Variants in ABR observed in about 807,000 individuals in gnomAD.
ABR encodes ABR activator of RhoGEF and GTPase, also known as active breakpoint cluster region-related protein.
A neutral mutation model predicts 107.2 loss-of-function variants in ABR; 35 were observed. That is an observed-to-expected ratio of 0.33 (90% CI 0.25 to 0.43). The LOEUF is 0.43. Ranked by LOEUF, ABR falls within the 20% of genes least tolerant of loss-of-function variation. The pLI, the probability that ABR is intolerant of heterozygous loss-of-function variation, is 1.00. For synonymous variants in ABR, 498 were observed against 462.0 expected, an observed-to-expected ratio of 1.08 and a Z score of -1.00; for missense variants, 815 against 1,115.2, an observed-to-expected ratio of 0.73 and a Z score of 3.83.
chr17:1,202,746 G>A (rs976353605), intron 1 of ABR, among the ~76,000 whole-genome samples: 5 of 152,132 alleles, frequency 3.3e-5, no homozygotes, highest in South Asian at 2.1e-4. Flanking sequence ...AAACACTGCG[G>A]CTAGAAACAG....
At chr17:1,229,638 G>T (rs2043299495) in exon 1 of ABR, among the ~76,000 whole-genome samples, 2 of 152,022 alleles carry the variant, frequency 1.3e-5, no homozygotes, top group Admixed American at 1.3e-4. Flanking sequence ...CATGCCCCGA[G>T]CTCCGTCCGC....
rs374374229 is a variant in ABR at position 1,012,231 on chromosome 17, C to T, written c.1962-246G>A. On this transcript the variant is annotated intron_variant, in intron 18 of 22. Coordinates refer to ENST00000302538, the MANE Select transcript of ABR (RefSeq NM_021962.5). ...CCTTGGGAACTTGGGAAGGTAAGGCCGAGACTCTAGGGAAAGAACGTCCCC... is the reference window on the plus strand; with the variant it reads ...CCTTGGGAACTTGGGAAGGTAAGGCTGAGACTCTAGGGAAAGAACGTCCCC... 5.5e-4 allele frequency: 379 copies of T among 690,804 alleles called. 1 individual carries two copies. The highest frequency in any genetic ancestry group is 1.7e-3 in the African/African-American group (95 of 57,070). The allele number at this position is 690,804 out of a possible 1,614,324, so 42.8% of individuals were successfully genotyped here.
At chr17:1,130,069 A>G (rs902699374) in intron 1 of ABR, among the ~76,000 whole-genome samples, 11 of 152,238 alleles carry the variant, frequency 7.2e-5, no homozygotes, top group Non-Finnish European at 1.5e-4. Context: ...AACGTTAGAC[A>G]GCAGGTGAAT....
At chr17:1,223,481 C>T (rs146898142) in intron 1 of ABR, among the ~76,000 whole-genome samples, 2 of 152,104 alleles carry the variant, frequency 1.3e-5, no homozygotes, top group Non-Finnish European at 2.9e-5. Context: ...GACCTGGAAG[C>T]CAGACTGCCT....
chr17:1,031,630 C>T (rs937794203), intron 16 of ABR: 23 of 1,251,092 alleles, frequency 1.8e-5, no homozygotes, highest in Non-Finnish European at 2.3e-5. Context: ...CGCACGCGGC[C>T]CCAGAGCCGG....
chr17:1,031,700 C>T (rs1336917266), intron 16 of ABR: 13 of 1,250,350 alleles, frequency 1.0e-5, no homozygotes, highest in Non-Finnish European at 1.3e-5. Flanking sequence ...GTTCGCGCCC[C>T]GCCTTCGGGC....
chr17:1,139,464 A>G (rs760191217), intron 1 of ABR, among the ~76,000 whole-genome samples: 10 of 151,650 alleles, frequency 6.6e-5, no homozygotes, highest in South Asian at 2.1e-4. Context: ...GTGTTAGCCA[A>G]GATGGTCTCC....
chr17:1,188,269 G>C (rs2042355038), upstream of ABR, among the ~76,000 whole-genome samples: 1 of 151,942 alleles, frequency 6.6e-6, no homozygotes, highest in African/African-American at 2.4e-5. Context: ...GGTCACAATA[G>C]GCCAGCTGCA....
chr17:1,058,923 C>A, intron 10 of ABR, 56 bp from the exon 11 acceptor site: 2 of 1,604,022 alleles, frequency 1.2e-6, no homozygotes, highest in Non-Finnish European at 1.7e-6. Flanking sequence ...TTCTCACGAG[C>A]AGCACTAAGC....
intron 16 of ABR, among the ~76,000 whole-genome samples, chr17:1,015,664 G>C (rs2071093322): frequency 2.0e-5 from 3 of 151,930 alleles, no homozygotes; most frequent in Non-Finnish European, 4.4e-5. Flanking sequence ...CTCCATGTTG[G>C]TCAGGCTGAT....
In ABR at chr17:1,050,511, C is replaced by G. The variant is rs1453385961; in HGVS notation, c.1659+26G>C. On this transcript the variant is annotated intron_variant, in intron 15 of 22. Transcript: ENST00000302538. The surrounding 1 kb of genome is among the most constrained non-coding windows in gnomAD (Gnocchi z 4.6). The stretch of plus-strand genomic sequence containing the variant: ...CGAGCACGGGGTGGTGGGGTCCCCA[C>G]AGAGATGCCAGCCCCTGCCACTCAC... 1.2e-6 allele frequency: 2 copies of G among 1,605,214 alleles called. No homozygotes were observed. The highest frequency in any genetic ancestry group is 1.3e-5 in the African/African-American group (1 of 74,690).
intron 16 of ABR, among the ~76,000 whole-genome samples, chr17:1,024,891 G>A (rs1302096492): frequency 2.6e-5 from 4 of 151,916 alleles, no homozygotes; most frequent in Non-Finnish European, 4.4e-5. Context: ...AAGCTGAGGC[G>A]GGTGGATCAC....
chr17:1,055,725 C>A (rs960139468), intron 14 of ABR: 4 of 287,226 alleles, frequency 1.4e-5, no homozygotes, highest in Non-Finnish European at 2.7e-5. Flanking sequence ...GACGGGGTTT[C>A]ACCATGTTGG....
chr17:1,043,296 T>C (rs1304758914), intron 16 of ABR, among the ~76,000 whole-genome samples: 1 of 152,156 alleles, frequency 6.6e-6, no homozygotes, highest in Non-Finnish European at 1.5e-5. Flanking sequence ...GTGTCCCGAA[T>C]AGCTGGGACT....
At chr17:1,028,239 C>CGT (rs2072394361) in intron 16 of ABR, among the ~76,000 whole-genome samples, 1 of 151,538 alleles carries the variant, frequency 6.6e-6, no homozygotes, top group Non-Finnish European at 1.5e-5. Flanking sequence ...TACAGGTGCC[C>CGT]GCCACCATGC....
At chr17:1,025,157 G>A (rs1451274070) in intron 16 of ABR, among the ~76,000 whole-genome samples, 4 of 143,818 alleles carry the variant, frequency 2.8e-5, no homozygotes, top group East Asian at 2.0e-4. Context: ...TTGGCCGGGC[G>A]TGGTGGCGGG....
At chr17:1,128,527 GTTACA>G (rs2039694193) in intron 1 of ABR, among the ~76,000 whole-genome samples, 1 of 152,238 alleles carries the variant, frequency 6.6e-6, no homozygotes, top group Non-Finnish European at 1.5e-5. Flanking sequence ...ACAACAAGAT[GTTACA>G]GGGATATGTG....
intron 2 of ABR, among the ~76,000 whole-genome samples, chr17:1,123,354 T>C (rs966255839): frequency 5.3e-5 from 8 of 151,948 alleles, no homozygotes; most frequent in Non-Finnish European, 8.8e-5. Flanking sequence ...GATTTCAAGG[T>C]CCTCAAGCCA....
chr17:1,013,362 AGGCAGGGCACACCCTGTTACCCG>A (rs1212623964), intron 16 of ABR, among the ~76,000 whole-genome samples, 198 bp from the exon 17 acceptor site: 3 of 148,844 alleles, frequency 2.0e-5, no homozygotes, highest in Admixed American at 6.6e-5. Context: ...GCCGTGGGGG[AGGCAGGGCACACCCTGTTACCCG>A]CCGTGGGGGA....
Sources: gnomAD v4.1 joint callset for allele counts (sites outside exome capture counted in the v4.1 genomes callset) on GRCh38, gnomAD v4.1.1 for gene constraint, Gnocchi (gnomAD v3.1) non-coding constraint, MANE v1.5 for transcripts, NCBI Gene and HGNC (gene_info 2026-07-23, HGNC 2026-07-21) for gene names.